Variants in KMO observed in about 807,000 individuals in gnomAD.
The protein encoded by KMO is kynurenine 3-monooxygenase, also known as kynurenine 3-hydroxylase.
KMO carries 24 observed loss-of-function variants against 57.8 expected under a neutral mutation model. The ratio of observed to expected loss-of-function variants is 0.42; its 90% CI spans 0.30 to 0.58. The LOEUF is 0.58. Among genes scored for constraint, KMO ranks in the 20% least tolerant of loss-of-function variants. KMO has a pLI of 0.22. For missense variants in KMO, 483 were observed against 588.2 expected (o/e 0.82, Z 1.85); for synonymous variants, 210 against 193.6 (o/e 1.08, Z -0.70).
chr1:241,574,379 A>G (rs1031912481), intron 10 of KMO, among the ~76,000 whole-genome samples: 4 of 152,064 alleles, frequency 2.6e-5, no homozygotes, highest in African/African-American at 9.7e-5. Context: ...GATTTTCCCC[A>G]TTCAGTATGA....
Position 241,590,133 on chromosome 1 carries a change from C to G in KMO, c.1200+20C>G. On this transcript the variant is annotated intron_variant, in intron 13 of 14. Coordinates refer to ENST00000366559, the MANE Select transcript of KMO (RefSeq NM_003679.5). The stretch of plus-strand genomic sequence containing the variant: ...ACAATGGTAAGGTCTGGACTGAAGA[C>G]TTTTCCTCATTTTGATTTTCTGTTT... 1.2e-6 allele frequency: 2 copies of G among 1,608,658 alleles called. No homozygotes were observed. Among genetic ancestry groups the G allele is most frequent in the Non-Finnish European group, 1.7e-6 (2 of 1,175,314 alleles).
Position 241,595,560 on chromosome 1 carries a change from C to T in KMO, c.*3407C>T, listed in dbSNP as rs1663481547. 6.6e-6 allele frequency: 1 copy of T among 152,070 alleles called. No homozygotes were observed. The highest frequency in any genetic ancestry group is 6.6e-5 in the Admixed American group (1 of 15,260). The allele number at this position is 152,070 out of a possible 1,614,324, so 9.4% of individuals were successfully genotyped here. A position where few individuals can be genotyped will look rare whatever the true frequency, so the allele number is the denominator to read the frequency against. Reference sequence around the variant, plus strand: ...ATCAAAAGTTAATGTAATTGTTATCCCATTATTTAGAGCGAAATAAATGTT... The same window carrying T: ...ATCAAAAGTTAATGTAATTGTTATCTCATTATTTAGAGCGAAATAAATGTT... On this transcript the variant is annotated 3_prime_UTR_variant, in exon 15 of 15. Transcript: ENST00000366559.
intron 2 of KMO, among the ~76,000 whole-genome samples, chr1:241,549,420 T>C (rs1661311343): frequency 3.3e-5 from 5 of 152,092 alleles, no homozygotes; most frequent in Admixed American, 2.6e-4. Context: ...CTTTGACTTT[T>C]CTTTAGATTT....
At chr1:241,576,617 G>A (rs928180620) in intron 10 of KMO, among the ~76,000 whole-genome samples, 12 of 152,156 alleles carry the variant, frequency 7.9e-5, no homozygotes, top group Admixed American at 5.2e-4. Context: ...GATTTCTGCT[G>A]AGAAGTCTGC....
chr1:241,586,401 T>C (rs907063542), intron 10 of KMO, among the ~76,000 whole-genome samples: 3 of 151,906 alleles, frequency 2.0e-5, no homozygotes, highest in Non-Finnish European at 4.4e-5. Flanking sequence ...GGTCTCATCA[T>C]GTTGCCCAGG....
At chr1:241,577,709 G>A (rs575021731) in intron 10 of KMO, among the ~76,000 whole-genome samples, 162 of 152,242 alleles carry the variant, frequency 1.1e-3, no homozygotes, top group Middle Eastern at 3.4e-3. Flanking sequence ...TATTTACTGA[G>A]TTGAATAGCT....
intron 5 of KMO, among the ~76,000 whole-genome samples, chr1:241,557,241 A>T (rs1216999111): frequency 6.6e-6 from 1 of 152,164 alleles, no homozygotes; most frequent in Non-Finnish European, 1.5e-5. Context: ...ATCCAGTCAC[A>T]CACCATGTAT....
chr1:241,594,223 T>G lies in KMO; in HGVS notation c.*2070T>G. On this transcript the variant is annotated 3_prime_UTR_variant, in exon 15 of 15. Coordinates refer to ENST00000366559, the MANE Select transcript of KMO (RefSeq NM_003679.5). Reference sequence around the variant, plus strand: ...TGTGCCACAAGTGGTTTTTTCATTATGTAAAGCACCCGTTGAATTAAAAGA... The same window carrying G: ...TGTGCCACAAGTGGTTTTTTCATTAGGTAAAGCACCCGTTGAATTAAAAGA... 2.0e-6 allele frequency: 1 copy of G among 488,826 alleles called. No individual in the cohort carries two copies. Among genetic ancestry groups the G allele is most frequent in the Non-Finnish European group, 3.5e-6 (1 of 283,802 alleles). 30.3% of individuals were successfully genotyped at this position (488,826 alleles called of 1,614,324 possible). A position where few individuals can be genotyped will look rare whatever the true frequency, so the allele number is the denominator to read the frequency against.
chr1:241,566,104 G>T (rs1662066297), intron 8 of KMO, among the ~76,000 whole-genome samples: 1 of 152,180 alleles, frequency 6.6e-6, no homozygotes, highest in African/African-American at 2.4e-5. Context: ...TACTCAGGAG[G>T]CTAAGGCAGG....
chr1:241,583,749 A>G (rs917927503), intron 10 of KMO, among the ~76,000 whole-genome samples: 13 of 152,160 alleles, frequency 8.5e-5, no homozygotes, highest in African/African-American at 3.1e-4. Flanking sequence ...AAATACTTCC[A>G]ATCAAAACTT....
At chr1:241,536,384 G>A (rs544151118) in intron 1 of KMO, 2 of 313,766 alleles carry the variant, frequency 6.4e-6, no homozygotes, top group Non-Finnish European at 9.3e-6. Flanking sequence ...GGCCATCTAA[G>A]CTAAACAAGT....
intron 14 of KMO, among the ~76,000 whole-genome samples, chr1:241,590,819 G>A (rs1663265472): frequency 6.6e-6 from 1 of 152,178 alleles, no homozygotes; most frequent in Non-Finnish European, 1.5e-5. Flanking sequence ...CTTTCACAAA[G>A]CTCAGAGGCT....
At chr1:241,547,290 T>C (rs1661186284) in intron 1 of KMO, among the ~76,000 whole-genome samples, 1 of 152,190 alleles carries the variant, frequency 6.6e-6, no homozygotes, top group Non-Finnish European at 1.5e-5. Context: ...GTGAATATGG[T>C]TACATTAAAA....
chr1:241,548,989 G>A (rs764656547), intron 2 of KMO, 91 bp downstream of exon 2: 54 of 791,228 alleles, frequency 6.8e-5, no homozygotes, highest in Non-Finnish European at 7.4e-5. Context: ...GCTTGAGGCC[G>A]GGAGTTTGAG....
In KMO at chr1:241,595,306, G is replaced by A. The variant is rs1333457640; in HGVS notation, c.*3153G>A. The stretch of plus-strand genomic sequence containing the variant: ...CTCCTTTCCGCTTCTCCTCTCTGCT[G>A]TTCCTCTCTACAAGAACCTGGGAGG... On this transcript the variant is annotated 3_prime_UTR_variant, in exon 15 of 15. Coordinates refer to ENST00000366559, the MANE Select transcript of KMO (RefSeq NM_003679.5). 1 of 152,296 alleles carries A rather than the reference G, an allele frequency of 6.6e-6. No individual in the cohort carries two copies. Among genetic ancestry groups the A allele is most frequent in the African/African-American group, 2.4e-5 (1 of 41,422 alleles). 9.4% of individuals were successfully genotyped at this position (152,296 alleles called of 1,614,324 possible).
At chr1:241,557,472 T>A (rs1661680973) in intron 5 of KMO, among the ~76,000 whole-genome samples, 1 of 152,236 alleles carries the variant, frequency 6.6e-6, no homozygotes, top group African/African-American at 2.4e-5. Context: ...TGAATGTAAT[T>A]GAACGTAATG....
chr1:241,546,582 T>C (rs1661157898), intron 1 of KMO, among the ~76,000 whole-genome samples: 1 of 152,128 alleles, frequency 6.6e-6, no homozygotes, highest in Non-Finnish European at 1.5e-5. Flanking sequence ...AAAAACATTG[T>C]AAGGTAGAAC....
At chr1:241,574,435 T>G (rs772190324) in intron 10 of KMO, among the ~76,000 whole-genome samples, 8 of 152,036 alleles carry the variant, frequency 5.3e-5, no homozygotes, top group Non-Finnish European at 1.2e-4. Context: ...ATTTTGAGGT[T>G]AGTCCCTTCT....
At position 241,588,849 on chromosome 1, in the gene KMO, CT is replaced by C. The variant is rs777192986; in HGVS notation, c.1098+22del. On this transcript the variant is annotated intron_variant, in intron 12 of 14. Transcript: ENST00000366559. ...CATAGAGGTGAGTGAGAAGGTTTGG[CT>C]TTATTCCATGAGATGGTTCACTGAT... 9 of 1,571,006 alleles carry C rather than the reference CT, an allele frequency of 5.7e-6. No homozygotes were observed. In the South Asian group the frequency reaches 1.0e-4, roughly 17 times the overall value.
Sources: allele counts gnomAD v4.1 joint callset (sites outside exome capture counted in the v4.1 genomes callset), GRCh38; gene constraint gnomAD v4.1.1; transcripts MANE v1.5; gene names NCBI Gene and HGNC (gene_info 2026-07-23, HGNC 2026-07-21).